The following STK3 variants were observed in gnomAD, a reference collection of about 807,000 sequenced individuals.
STK3 encodes serine/threonine-protein kinase 3.
STK3 carries 41 observed loss-of-function variants against 58.0 expected under a neutral mutation model. The ratio of observed to expected loss-of-function variants is 0.71; its 90% CI spans 0.55 to 0.92. STK3 has a LOEUF of 0.92. Ranked by LOEUF, STK3 falls within the 40% of genes least tolerant of loss-of-function variation. STK3 has a pLI of 0.00. For missense variants in STK3, 479 were observed against 602.7 expected (o/e 0.79, Z 2.15); for synonymous variants, 170 against 191.0 (o/e 0.89, Z 0.91).
At chr8:98,877,587 G>A (rs757314985) in intron 3 of STK3, among the ~76,000 whole-genome samples, 26 of 151,984 alleles carry the variant, frequency 1.7e-4, no homozygotes, top group Non-Finnish European at 3.2e-4. Flanking sequence ...GGGTTCAAGC[G>A]ATTCTCCTGC....
At chr8:98,380,379 T>C (rs1817720180) in intron 1 of STK3, among the ~76,000 whole-genome samples, 1 of 152,222 alleles carries the variant, frequency 6.6e-6, no homozygotes, top group Non-Finnish European at 1.5e-5. Flanking sequence ...TAACCACCGA[T>C]AACACTTTGA....
At chr8:98,583,343 A>G (rs912404364) in intron 7 of STK3, among the ~76,000 whole-genome samples, 2 of 152,206 alleles carry the variant, frequency 1.3e-5, no homozygotes, top group African/African-American at 4.8e-5. Context: ...CCTCCCCTAG[A>G]CAAACTGAAT....
chr8:98,483,086 G>A (rs962428586), intron 10 of STK3, among the ~76,000 whole-genome samples: 3 of 152,244 alleles, frequency 2.0e-5, no homozygotes, highest in Admixed American at 1.3e-4. Context: ...TTAAAATGGC[G>A]ACCAGGTACC....
chr8:98,566,731 G>T (rs1050884712), intron 8 of STK3, among the ~76,000 whole-genome samples: 2 of 152,084 alleles, frequency 1.3e-5, no homozygotes, highest in African/African-American at 4.8e-5. Context: ...GAGAATACAG[G>T]TCCTCTGGGC....
At chr8:98,350,477 C>T in the STK3 span, among the ~76,000 whole-genome samples, 1 of 152,186 alleles carries the variant, frequency 6.6e-6, no homozygotes, top group Non-Finnish European at 1.5e-5. Flanking sequence ...AAAGTTGTTT[C>T]CACATTTTCG....
At chr8:98,462,388 A>C (rs1820062600) in intron 10 of STK3, among the ~76,000 whole-genome samples, 1 of 152,054 alleles carries the variant, frequency 6.6e-6, no homozygotes, top group Admixed American at 6.6e-5. Context: ...TTCCTTCTCT[A>C]TCCTATTTCC....
the STK3 span, among the ~76,000 whole-genome samples, chr8:98,356,816 T>C: frequency 5.3e-5 from 8 of 152,230 alleles, no homozygotes; most frequent in Non-Finnish European, 1.0e-4. Context: ...TATTTAAAAG[T>C]GGAAAGAAAG....
intron 3 of STK3, chr8:98,413,714 T>A: frequency 1.1e-6 from 1 of 931,110 alleles, no homozygotes; most frequent in South Asian, 1.3e-5. Flanking sequence ...CCACCGTTCT[T>A]TTCTGTTGAA....
intron 1 of STK3, 115 bp downstream of exon 1, chr8:98,825,400 C>T: frequency 2.0e-6 from 2 of 1,017,946 alleles, no homozygotes; most frequent in East Asian, 4.1e-5. Flanking sequence ...CTCAGCGCGC[C>T]CGGCTCGGGG....
In STK3 at chr8:98,706,453, C is replaced by A. The variant is rs754669399; in HGVS notation, c.684+14G>T. The stretch of plus-strand genomic sequence containing the variant: ...TATAAGGCTAACATTTTCAGCAAAC[C>A]ATAATTTTCTTACCCTCATTGGATG... On this transcript the variant is annotated intron_variant, in intron 6 of 10. Transcript: ENST00000419617. The A allele has an allele frequency of 5.6e-6, 9 of 1,596,888 alleles. 1 individual carries two copies. In the South Asian group the frequency reaches 9.1e-5, roughly 16 times the overall value.
intron 4 of STK3, among the ~76,000 whole-genome samples, chr8:98,726,995 G>C (rs935241621): frequency 3.3e-5 from 5 of 151,998 alleles, no homozygotes; most frequent in Admixed American, 2.0e-4. Context: ...TAAATATATA[G>C]AAACATCTAT....
chr8:98,922,342 G>A (rs1839597797), intron 1 of STK3, among the ~76,000 whole-genome samples: 1 of 152,180 alleles, frequency 6.6e-6, no homozygotes, highest in South Asian at 2.1e-4. Context: ...GGGCTTCAGA[G>A]AGTCACTGAA....
At chr8:98,911,014 G>A (rs928066188) in intron 1 of STK3, among the ~76,000 whole-genome samples, 2 of 152,166 alleles carry the variant, frequency 1.3e-5, no homozygotes, top group Non-Finnish European at 2.9e-5. Context: ...CAAGGCAACA[G>A]GCCACAAGCA....
intron 1 of STK3, among the ~76,000 whole-genome samples, chr8:98,380,204 G>T (rs1417737809): frequency 1.3e-5 from 2 of 152,240 alleles, no homozygotes; most frequent in East Asian, 3.9e-4. Flanking sequence ...AGTTAAGCAA[G>T]GTGAATACGC....
chr8:98,893,506 AAGAAAGAAAG>A (rs2131932759), intron 1 of STK3, among the ~76,000 whole-genome samples: 1 of 147,664 alleles, frequency 6.8e-6, no homozygotes, highest in Admixed American at 6.7e-5. Context: ...GAAAGAAAGA[AAGAAAGAAAG>A]AAAGAAAGAA....
At chr8:98,587,011 G>A (rs1242661732) in intron 7 of STK3, among the ~76,000 whole-genome samples, 168 of 134,234 alleles carry the variant, frequency 1.3e-3, no homozygotes, top group South Asian at 2.7e-3. Context: ...AGTCTTGCTA[G>A]CGGTCTATCA....
intron 9 of STK3, among the ~76,000 whole-genome samples, chr8:98,538,476 TTAA>T (rs1053957238): frequency 1.3e-5 from 2 of 152,190 alleles, no homozygotes; most frequent in African/African-American, 4.8e-5. Flanking sequence ...GAGAAAGAAC[TTAA>T]TAAGTATCCA....
At chr8:98,373,071 A>C (rs1257701852) in intron 2 of STK3, among the ~76,000 whole-genome samples, 1 of 152,230 alleles carries the variant, frequency 6.6e-6, no homozygotes, top group Non-Finnish European at 1.5e-5. Flanking sequence ...AGAGAGAGTC[A>C]GATGAGGGGA....
chr8:98,491,427 GA>G (rs1822691032), intron 10 of STK3, among the ~76,000 whole-genome samples: 1 of 151,560 alleles, frequency 6.6e-6, no homozygotes, highest in Admixed American at 6.6e-5. Context: ...ATTCACCTAG[GA>G]AATTTTTTTT....
Sources: gnomAD v4.1 joint callset for allele counts (sites outside exome capture counted in the v4.1 genomes callset) on GRCh38, gnomAD v4.1.1 for gene constraint, MANE v1.5 for transcripts, NCBI Gene and HGNC (gene_info 2026-07-23, HGNC 2026-07-21) for gene names.